GRAP2: variants seen among roughly 807,000 people sequenced by gnomAD.
The protein encoded by GRAP2 is GRB2-related adapter protein 2.
GRAP2 carries 31 observed loss-of-function variants against 43.5 expected under a neutral mutation model. That is an observed-to-expected ratio of 0.71 (90% CI 0.54 to 0.96). GRAP2 has a LOEUF of 0.96. Ranked by LOEUF, GRAP2 falls within the 40% of genes least tolerant of loss-of-function variation. The pLI, the probability that GRAP2 is intolerant of heterozygous loss-of-function variation, is 0.00. For synonymous variants in GRAP2, 156 were observed against 164.8 expected (o/e 0.95, Z 0.41); for missense variants, 371 against 424.4 (o/e 0.87, Z 1.11).
chr22:39,932,206 C>T (rs1429657996), intron 1 of GRAP2, among the ~76,000 whole-genome samples: 1 of 152,126 alleles, frequency 6.6e-6, no homozygotes, highest in African/African-American at 2.4e-5. Flanking sequence ...CTTCAGTCCA[C>T]CACTTTGAGA....
At chr22:39,936,389 GTC>G (rs1440601862) in intron 1 of GRAP2, among the ~76,000 whole-genome samples, 4 of 152,344 alleles carry the variant, frequency 2.6e-5, no homozygotes, top group African/African-American at 9.6e-5. Flanking sequence ...TGATACATCA[GTC>G]TAGCAGCAGA....
intron 1 of GRAP2, among the ~76,000 whole-genome samples, chr22:39,910,720 T>A (rs1037937363): frequency 2.0e-5 from 3 of 151,458 alleles, no homozygotes; most frequent in African/African-American, 7.3e-5. Flanking sequence ...TCTTTCTTAT[T>A]CTGTACTTAC....
At chr22:39,911,031 G>A (rs920435871) in intron 1 of GRAP2, among the ~76,000 whole-genome samples, 4 of 152,156 alleles carry the variant, frequency 2.6e-5, no homozygotes, top group Admixed American at 2.6e-4. Flanking sequence ...AAGTAAGATA[G>A]GAATAAGTGT....
At chr22:39,969,891 G>A (rs1266028225) in intron 7 of GRAP2, among the ~76,000 whole-genome samples, 1 of 152,134 alleles carries the variant, frequency 6.6e-6, no homozygotes, top group Non-Finnish European at 1.5e-5. Flanking sequence ...TCCATCCTGG[G>A]CAACAAGAGC....
chr22:39,901,059 G>T (rs2066489404), upstream of GRAP2: 3 of 343,802 alleles, frequency 8.7e-6, no homozygotes, highest in Non-Finnish European at 1.7e-5. Flanking sequence ...CCCCATATGT[G>T]CTAGTTCCTG....
At chr22:39,937,671 A>G (rs183785705) in intron 1 of GRAP2, among the ~76,000 whole-genome samples, 60 of 152,344 alleles carry the variant, frequency 3.9e-4, no homozygotes, top group Admixed American at 5.9e-4. Context: ...TCCCTGCAAC[A>G]CTGGGGACTA....
At chr22:39,955,989 A>G in intron 3 of GRAP2, 79 bp downstream of exon 3, 2 of 771,040 alleles carry the variant, frequency 2.6e-6, no homozygotes, top group African/African-American at 1.7e-5. Flanking sequence ...ACAGTTATCC[A>G]TGGGAACCCA....
At chr22:39,931,642 G>A (rs1006162688) in intron 1 of GRAP2, among the ~76,000 whole-genome samples, 1 of 152,176 alleles carries the variant, frequency 6.6e-6, no homozygotes, top group Non-Finnish European at 1.5e-5. Flanking sequence ...GCCAAGCATG[G>A]AAAAATTTGA....
chr22:39,968,509 T>A, intron 6 of GRAP2: 1 of 528,946 alleles, frequency 1.9e-6, no homozygotes, highest in Non-Finnish European at 3.3e-6. Flanking sequence ...ACACTTAAAC[T>A]CACACACACA....
chr22:39,966,437 C>T (rs914127168), intron 5 of GRAP2, among the ~76,000 whole-genome samples: 8 of 152,214 alleles, frequency 5.3e-5, no homozygotes, highest in African/African-American at 1.7e-4. Flanking sequence ...TATCCCACGC[C>T]TCATGTCATT....
chr22:39,962,719 G>A (rs1169915076), intron 4 of GRAP2, among the ~76,000 whole-genome samples: 9 of 151,928 alleles, frequency 5.9e-5, no homozygotes, highest in East Asian at 3.9e-4. Context: ...GTGCAGTGGC[G>A]CAATCTCGGC....
At chr22:39,964,553 AATCT>A in intron 4 of GRAP2, 1 of 835,090 alleles carries the variant, frequency 1.2e-6, no homozygotes, top group Non-Finnish European at 2.1e-6. Context: ...GGAATTAAGA[AATCT>A]GGCAAAAAAT....
intron 2 of GRAP2, among the ~76,000 whole-genome samples, chr22:39,949,160 C>T (rs892142595): frequency 1.3e-5 from 2 of 152,102 alleles, no homozygotes; most frequent in Non-Finnish European, 1.5e-5. Flanking sequence ...ATGCCCATCT[C>T]ACCCCCATTT....
chr22:39,966,169 G>C lies in GRAP2; in HGVS notation c.459+11G>C, dbSNP rs1484101281. The C allele has an allele frequency of 2.5e-5, 40 of 1,610,272 alleles. No homozygotes were observed. The highest frequency in any genetic ancestry group is 3.3e-5 in the Non-Finnish European group (39 of 1,177,198). ...ACCCGAGAAGACCAGGTATGCTCCA[G>C]ATCCAGTCGACCCCAATCTAGAGAT... On this transcript the variant is annotated intron_variant, in intron 5 of 7. Transcript: ENST00000344138.
At chr22:39,901,396 A>G (rs2066491642) in intron 1 of GRAP2, 66 bp downstream of exon 1, 4 of 526,930 alleles carry the variant, frequency 7.6e-6, no homozygotes, top group East Asian at 6.9e-5. Context: ...AATTTGCAGA[A>G]TGTTCTGTAT....
chr22:39,969,036 G>A (rs1399860057), intron 6 of GRAP2, among the ~76,000 whole-genome samples: 1 of 152,184 alleles, frequency 6.6e-6, no homozygotes, highest in Non-Finnish European at 1.5e-5. Flanking sequence ...TTCCCGGGCA[G>A]ATACAGACAT....
chr22:39,915,413 C>T (rs1775024658), intron 1 of GRAP2, among the ~76,000 whole-genome samples: 1 of 152,124 alleles, frequency 6.6e-6, no homozygotes, highest in African/African-American at 2.4e-5. Context: ...CCACCTTCTG[C>T]TTTCTGCAGC....
chr22:39,960,030 C>T (rs1350986078), intron 3 of GRAP2, 25 bp from the exon 4 acceptor site: 3 of 1,612,572 alleles, frequency 1.9e-6, no homozygotes, highest in East Asian at 4.5e-5. Flanking sequence ...CATCCTGATC[C>T]TTTTGTTTGA....
chr22:39,906,150 G>A (rs990535641), intron 1 of GRAP2, among the ~76,000 whole-genome samples: 6 of 152,118 alleles, frequency 3.9e-5, no homozygotes, highest in South Asian at 2.1e-4. Context: ...TCAGAGCCTC[G>A]GGGTGGAAGA....
Sources: gnomAD v4.1 joint callset for allele counts (sites outside exome capture counted in the v4.1 genomes callset) on GRCh38, gnomAD v4.1.1 for gene constraint, MANE v1.5 for transcripts, NCBI Gene and HGNC (gene_info 2026-07-23, HGNC 2026-07-21) for gene names.